Variants in DIPK1B observed in about 807,000 individuals in gnomAD.
DIPK1B encodes divergent protein kinase domain 1B.
A neutral mutation model predicts 20.7 loss-of-function variants in DIPK1B; 17 were observed. That is an observed-to-expected ratio of 0.82 (90% CI 0.56 to 1.23). DIPK1B has a LOEUF of 1.23. Among genes scored for constraint, DIPK1B ranks in the 50% most tolerant of loss-of-function variants. The pLI is 0.00. For synonymous variants in DIPK1B, 343 were observed against 276.5 expected (o/e 1.24, Z -2.39); for missense variants, 648 against 601.8 (o/e 1.08, Z -0.80).
At chr9:136,717,271 C>A (rs1049034982) in intron 1 of DIPK1B, among the ~76,000 whole-genome samples, 9 of 152,198 alleles carry the variant, frequency 5.9e-5, no homozygotes, top group Admixed American at 5.2e-4. Context: ...AAAGAATCGG[C>A]CACCCTGTAG....
At position 136,723,006 on chromosome 9, in the gene DIPK1B, G is replaced by A. The variant is rs1846636309; in HGVS notation, c.528G>A (p.Gln176=). 2 of 1,612,694 alleles carry A rather than the reference G, an allele frequency of 1.2e-6. No homozygotes were observed. Among genetic ancestry groups the A allele is most frequent in the Non-Finnish European group, 1.7e-6 (2 of 1,179,434 alleles). Residue 176 remains glutamine (Q), a synonymous_variant, in exon 5 of 5, where the codon CAG becomes CAA. Coordinates refer to ENST00000371692, the MANE Select transcript of DIPK1B (RefSeq NM_152421.4). ...DLPSLPALVG[Q]VLLMADFNKD... ...CTTCCCTGCCGGCGCTGGTTGGCCA[G>A]GTCCTGCTCATGGCTGACTTCAACA...
chr9:136,718,725 G>A (rs549344745), intron 2 of DIPK1B, among the ~76,000 whole-genome samples: 13 of 152,314 alleles, frequency 8.5e-5, no homozygotes, highest in South Asian at 2.1e-4. Context: ...CCCCAGGTTC[G>A]GTGTCTCCTC....
chr9:136,720,676 G>C (rs575333923), intron 2 of DIPK1B, among the ~76,000 whole-genome samples: 13 of 152,220 alleles, frequency 8.5e-5, no homozygotes, highest in Admixed American at 2.6e-4. Flanking sequence ...GGACAGGCCC[G>C]GAGTCATTGT....
At chr9:136,716,126 C>G (rs566752266) in intron 1 of DIPK1B, among the ~76,000 whole-genome samples, 59 of 152,188 alleles carry the variant, frequency 3.9e-4, no homozygotes, top group Admixed American at 1.4e-3. Flanking sequence ...GGGTGGACAT[C>G]AGATCTCCTT....
At chr9:136,722,326 G>C (rs747605673) in intron 4 of DIPK1B, 25 bp downstream of exon 4, 1 of 1,602,298 alleles carries the variant, frequency 6.2e-7, no homozygotes, top group Non-Finnish European at 8.5e-7. Context: ...CTAGGGGGCA[G>C]GGCAGGAGTC....
chr9:136,721,982 A>G lies in DIPK1B; in HGVS notation c.260A>G (p.His87Arg). ...GSVCQDLCEL[H>R]MVEWRTCLSV... ...GTCTGCCAGGACCTGTGTGAGCTGC[A>G]TATGGTGGAGTGGAGGACCTGCCTC... Residue 87 changes from histidine (H) to arginine (R), a missense_variant, in exon 3 of 5, where the codon CAT becomes CGT. His to Arg is a conservative substitution (Grantham distance 29, BLOSUM62 0). Transcript: ENST00000371692. 2.5e-6 allele frequency: 4 copies of G among 1,613,008 alleles called. No homozygotes were observed. The highest frequency in any genetic ancestry group is 1.1e-5 in the South Asian group (1 of 91,058).
At chr9:136,721,649 A>AGT in intron 2 of DIPK1B, 1 of 457,872 alleles carries the variant, frequency 2.2e-6, no homozygotes, top group Non-Finnish European at 4.0e-6. Flanking sequence ...ATGTCCAGGC[A>AGT]GTGGCCTTTG....
chr9:136,723,192 C>G lies in DIPK1B; in HGVS notation c.714C>G (p.Ala238=). ...LYLTEGVPHG[A]WHAAALPPLL... is the part of the protein sequence containing the mutation. ...TCACCGAGGGCGTGCCGCATGGCGC[C>G]TGGCACGCGGCCGCCCTTCCACCCC... is the stretch of plus-strand genomic sequence containing the variant. Residue 238 remains alanine (A), a synonymous_variant, in exon 5 of 5, where the codon GCC becomes GCG. Coordinates refer to ENST00000371692, the MANE Select transcript of DIPK1B (RefSeq NM_152421.4). 1 of 1,612,652 alleles carries G rather than the reference C, an allele frequency of 6.2e-7. No homozygotes were observed. The highest frequency in any genetic ancestry group is 8.5e-7 in the Non-Finnish European group (1 of 1,179,828).
At position 136,717,602 on chromosome 9, in the gene DIPK1B, G is replaced by C; in HGVS notation, c.89G>C (p.Arg30Pro). 6.2e-7 allele frequency: 1 copy of C among 1,601,502 alleles called. No homozygotes were observed. The highest frequency in any genetic ancestry group is 8.5e-7 in the Non-Finnish European group (1 of 1,179,838). ...GGCCGGCTCCCAGGCCTCAGGGTCC[G>C]CTGCATCTTCCTGGCCTGGCTGGGC... ...LQGRLPGLRV[R>P]CIFLAWLGVF... The change falls in exon 2 of 5, where the codon CGC (arginine) becomes CCC (proline). Residue 30 changes from arginine (R) to proline (P), a missense_variant. Arg to Pro is a moderately radical substitution (Grantham distance 103, BLOSUM62 -2). Coordinates refer to ENST00000371692, the MANE Select transcript of DIPK1B (RefSeq NM_152421.4).
intron 2 of DIPK1B, among the ~76,000 whole-genome samples, chr9:136,719,929 T>G (rs28379077): frequency 0.049 from 1,768 of 35,814 alleles, 56 homozygotes; most frequent in African/African-American, 0.093. Flanking sequence ...GGCTGTGTGG[T>G]CTGGGGCTCC....
intron 1 of DIPK1B, among the ~76,000 whole-genome samples, chr9:136,713,914 G>A (rs970665930): frequency 5.9e-5 from 9 of 152,236 alleles, no homozygotes; most frequent in Non-Finnish European, 8.8e-5. Context: ...GCTGGGCTGA[G>A]GACCACTGTG....
rs542705315 is a variant in DIPK1B, at chr9:136,715,195, C to T, written c.64-2382C>T. ...GGGAAGCTGGCCCCCAAGCCTGGGC[C>T]CTTCACCCTTCAGCTGCAGGTCAGG... On this transcript the variant is annotated intron_variant, in intron 1 of 4. Coordinates refer to ENST00000371692, the MANE Select transcript of DIPK1B (RefSeq NM_152421.4). Among the ~76,000 whole-genome samples the T allele has an allele frequency of 1.6e-3, 249 of 152,344 alleles. 1 individual carries two copies. The highest frequency in any genetic ancestry group is 6.8e-3 in the Middle Eastern group (2 of 294).
Position 136,717,628 on chromosome 9 carries a change from G to A in DIPK1B, c.115G>A (p.Val39Ile), listed in dbSNP as rs752961190. ...CTGCATCTTCCTGGCCTGGCTGGGC[G>A]TCTTTGCAGGCAGCTGGCTGGTGTA... The part of the protein sequence containing the change: ...VRCIFLAWLG[V>I]FAGSWLVYVH... The change falls in exon 2 of 5, where the codon GTC becomes ATC. Residue 39 changes from valine (V) to isoleucine (I), a missense_variant. Coordinates refer to ENST00000371692, the MANE Select transcript of DIPK1B (RefSeq NM_152421.4). 80 of 1,605,592 alleles carry A rather than the reference G, an allele frequency of 5.0e-5. No homozygotes were observed. The highest frequency in any genetic ancestry group is 9.9e-5 in the South Asian group (9 of 91,096).
At chr9:136,720,161 A>C (rs1846574099) in intron 2 of DIPK1B, among the ~76,000 whole-genome samples, 1 of 151,914 alleles carries the variant, frequency 6.6e-6, no homozygotes, top group African/African-American at 2.4e-5. Flanking sequence ...CCGGTGGCAA[A>C]GGGCCTGCCT....
intron 4 of DIPK1B, 30 bp from the exon 5 acceptor site, chr9:136,722,932 C>G: frequency 6.4e-7 from 1 of 1,571,648 alleles, no homozygotes; most frequent in Admixed American, 1.8e-5. Flanking sequence ...AATCAGCTGG[C>G]TTTTCCTTTC....
rs1286276142 is a variant in DIPK1B at position 136,722,198 on chromosome 9, C to T, written c.380C>T (p.Ala127Val). Reference protein sequence around the residue: ...CGIEETLDSKARSDAAPRREL... With the variant: ...CGIEETLDSKVRSDAAPRREL... ...ATTGAGGAGACCCTCGACTCCAAGG[C>T]CCGGTCGGATGCGGCCCCCCGGCGG... Residue 127 changes from alanine to valine, a missense_variant, in exon 4 of 5, where the codon GCC (alanine) becomes GTC (valine). Ala to Val is a moderately conservative substitution (Grantham distance 64). Coordinates refer to ENST00000371692, the MANE Select transcript of DIPK1B (RefSeq NM_152421.4). 1 of 1,613,904 alleles carries T rather than the reference C, an allele frequency of 6.2e-7. No individual in the cohort carries two copies. Among genetic ancestry groups the T allele is most frequent in the East Asian group, 2.2e-5 (1 of 44,898 alleles).
In DIPK1B at chr9:136,723,100, C is replaced by G; in HGVS notation, c.622C>G (p.Leu208Val). The G allele has an allele frequency of 6.2e-7, 1 of 1,613,626 alleles. No homozygotes were observed. Among genetic ancestry groups the G allele is most frequent in the Non-Finnish European group, 8.5e-7 (1 of 1,180,032 alleles). Reference sequence around the variant, plus strand: ...CCTGCTGCAGCGTAACGAGTTCCTGCTGCTGCTGTCCCTGCAGGAGAAGGA... The same window carrying G: ...CCTGCTGCAGCGTAACGAGTTCCTGGTGCTGCTGTCCCTGCAGGAGAAGGA... Reference protein sequence around the residue: ...WALLQRNEFLLLLSLQEKEHA... With the variant: ...WALLQRNEFLVLLSLQEKEHA... The change falls in exon 5 of 5, where the codon CTG (leucine) becomes GTG (valine). Residue 208 changes from leucine (L) to valine (V), a missense_variant. Physicochemically the swap from Leu to Val is conservative, Grantham distance 32 (BLOSUM62 1). Coordinates refer to ENST00000371692, the MANE Select transcript of DIPK1B (RefSeq NM_152421.4).
At chr9:136,716,525 C>T (rs1054116715) in intron 1 of DIPK1B, among the ~76,000 whole-genome samples, 1 of 152,112 alleles carries the variant, frequency 6.6e-6, no homozygotes, top group Non-Finnish European at 1.5e-5. Context: ...ACCTCAGCCT[C>T]CCAAAGAGCT....
At chr9:136,714,639 T>G (rs1346239569) in intron 1 of DIPK1B, among the ~76,000 whole-genome samples, 1 of 152,230 alleles carries the variant, frequency 6.6e-6, no homozygotes, top group East Asian at 1.9e-4. Context: ...TTCTCTGCTT[T>G]CCTGTTTTTC....
Sources: allele counts gnomAD v4.1 joint callset (sites outside exome capture counted in the v4.1 genomes callset), GRCh38; gene constraint gnomAD v4.1.1; transcripts MANE v1.5; gene names NCBI Gene and HGNC (gene_info 2026-07-23, HGNC 2026-07-21).